Variants in DENND1A observed in about 807,000 individuals in gnomAD.
DENND1A encodes the protein DENN domain containing 1A.
A neutral mutation model predicts 113.7 loss-of-function variants in DENND1A; 51 were observed. The ratio of observed to expected loss-of-function variants is 0.45; its 90% CI spans 0.36 to 0.57. DENND1A has a LOEUF of 0.57. Among genes scored for constraint, DENND1A ranks in the 20% least tolerant of loss-of-function variants. DENND1A has a pLI of 0.00. For missense variants in DENND1A, 1,258 were observed against 1,395.9 expected, an observed-to-expected ratio of 0.90 and a Z score of 1.57; for synonymous variants, 565 against 570.8, an observed-to-expected ratio of 0.99 and a Z score of 0.14.
chr9:123,724,180 G>A (rs1050626972), intron 5 of DENND1A, among the ~76,000 whole-genome samples: 19 of 152,092 alleles, frequency 1.2e-4, no homozygotes, highest in African/African-American at 4.6e-4. Context: ...TAATTAACCT[G>A]CATTTCTCAT....
chr9:123,501,307 T>C (rs1404613006), intron 13 of DENND1A, among the ~76,000 whole-genome samples: 1 of 152,378 alleles, frequency 6.6e-6, no homozygotes, highest in Non-Finnish European at 1.5e-5. Context: ...TATTCCATTA[T>C]TTGTATATAC....
chr9:123,421,976 GC>G (rs1486391849), intron 19 of DENND1A, among the ~76,000 whole-genome samples: 1 of 151,996 alleles, frequency 6.6e-6, no homozygotes, highest in African/African-American at 2.4e-5. Context: ...GGTCCTATAA[GC>G]CCTTCCCTCA....
chr9:123,639,508 C>A (rs2061911720), intron 9 of DENND1A, among the ~76,000 whole-genome samples: 1 of 145,150 alleles, frequency 6.9e-6, no homozygotes, highest in Admixed American at 6.9e-5. Flanking sequence ...AAAACAGCCA[C>A]ACTCACGCCT....
At chr9:123,779,478 G>T (rs2799464) in intron 3 of DENND1A, among the ~76,000 whole-genome samples, 18,203 of 152,090 alleles carry the variant, frequency 0.12, 1,423 homozygotes, top group African/African-American at 0.22. Flanking sequence ...CCAGCTCCGG[G>T]TTCCTATTCT....
At chr9:123,473,143 T>C (rs2049589552) in intron 13 of DENND1A, among the ~76,000 whole-genome samples, 1 of 152,074 alleles carries the variant, frequency 6.6e-6, no homozygotes, top group South Asian at 2.1e-4. Flanking sequence ...GCCCCATGCC[T>C]GGGTCAGAGC....
rs1438761297 is a variant in DENND1A, at chr9:123,383,611, C to T, written c.2019+44G>A. On this transcript the variant is annotated intron_variant, in intron 23 of 23. Coordinates refer to ENST00000394215, the MANE Select transcript of DENND1A (RefSeq NM_001352964.2). The stretch of plus-strand genomic sequence containing the variant: ...ATGGGGATCCCACCTCGTGTGCGGA[C>T]AGTGCCGGCCCCCGGCCGATACCCT... The T allele has an allele frequency of 3.8e-6, 6 of 1,584,350 alleles. No individual in the cohort carries two copies. The East Asian group carries it at 1.1e-4, about 30-fold the overall frequency.
chr9:123,392,199 G>A (rs999285323), intron 21 of DENND1A, among the ~76,000 whole-genome samples: 11 of 152,118 alleles, frequency 7.2e-5, no homozygotes, highest in Non-Finnish European at 1.5e-4. Flanking sequence ...GGATCGCACC[G>A]GCTTATTTTT....
intron 2 of DENND1A, among the ~76,000 whole-genome samples, chr9:123,795,698 G>A (rs530185492): frequency 1.4e-4 from 22 of 152,158 alleles, no homozygotes; most frequent in African/African-American, 2.6e-4. Flanking sequence ...ACTGTGCATC[G>A]GTCTAATATT....
intron 19 of DENND1A, among the ~76,000 whole-genome samples, chr9:123,414,739 G>A (rs566413647): frequency 6.6e-6 from 1 of 152,272 alleles, no homozygotes; most frequent in Non-Finnish European, 1.5e-5. Flanking sequence ...AATATCCCCT[G>A]GAAAATGCTG....
chr9:123,531,540 C>T (rs904359994), intron 13 of DENND1A, among the ~76,000 whole-genome samples: 3 of 116,484 alleles, frequency 2.6e-5, no homozygotes, highest in Admixed American at 9.6e-5. Flanking sequence ...TCCTTCTCTT[C>T]CCCCCTCTCT....
chr9:123,611,876 A>G lies in DENND1A; in HGVS notation c.720-2395T>C, dbSNP rs370056679. On this transcript the variant is annotated intron_variant, in intron 10 of 23. Coordinates refer to ENST00000394215, the MANE Select transcript of DENND1A (RefSeq NM_001352964.2). ...TACCCTGAAAGGAAAAAGGGACCTC[A>G]TGGAAGAGACTGAAGAGGCAAGAAA... Among the ~76,000 whole-genome samples, 214 of 152,322 alleles carry G rather than the reference A, an allele frequency of 1.4e-3. 1 individual carries two copies. The highest frequency in any genetic ancestry group is 4.9e-3 in the African/African-American group (204 of 41,572).
At chr9:123,435,524 G>A (rs1219250736) in intron 19 of DENND1A, among the ~76,000 whole-genome samples, 2 of 152,226 alleles carry the variant, frequency 1.3e-5, no homozygotes, top group Admixed American at 6.5e-5. Flanking sequence ...GTTCAGATGG[G>A]AGAAGAACAG....
intron 14 of DENND1A, 31 bp downstream of exon 14, chr9:123,457,762 C>T: frequency 6.3e-7 from 1 of 1,576,108 alleles, no homozygotes; most frequent in Non-Finnish European, 8.6e-7. Context: ...GCCAGGGAGC[C>T]AGACCCAGGC....
Position 123,891,952 on chromosome 9 carries a change from AG to A in DENND1A, c.18-12932del, listed in dbSNP as rs34983445. ...AGAGTTTCCAGATTATGGTGCAAGG[AG>A]GGGGGACCTAAGCAAAGCCCAGCAA... is the stretch of plus-strand genomic sequence containing the variant. On this transcript the variant is annotated intron_variant, in intron 1 of 23. Coordinates refer to ENST00000394215, the MANE Select transcript of DENND1A (RefSeq NM_001352964.2). 6.7e-3 allele frequency among the ~76,000 whole-genome samples: 1,026 copies of A among 152,254 alleles called. 3 individuals are homozygous for A. The highest frequency in any genetic ancestry group is 0.011 in the Non-Finnish European group (725 of 68,004).
intron 4 of DENND1A, chr9:123,759,668 G>C (rs548822716): frequency 2.6e-5 from 4 of 152,208 alleles, no homozygotes; most frequent in Middle Eastern, 3.4e-3. Flanking sequence ...TAAGTGATCC[G>C]CTTGCCTCAG....
At position 123,638,113 on chromosome 9, in the gene DENND1A, G is replaced by C. The variant is rs368258398; in HGVS notation, c.619-7637C>G. On this transcript the variant is annotated intron_variant, in intron 9 of 23. Transcript: ENST00000394215. ...CATTTTTTTTTAAAGCTATCTACTA[G>C]AGTAATTAGAGTAAGTTATTAACCG... Among the ~76,000 whole-genome samples the C allele has an allele frequency of 3.9e-5, 6 of 152,130 alleles. 1 individual carries two copies. The highest frequency in any genetic ancestry group is 6.5e-5 in the Admixed American group (1 of 15,284).
chr9:123,873,737 A>T (rs577998407), intron 2 of DENND1A, among the ~76,000 whole-genome samples: 4 of 152,148 alleles, frequency 2.6e-5, no homozygotes, highest in African/African-American at 9.6e-5. Context: ...AGGCAAAATT[A>T]TCTATCTCTC....
At chr9:123,489,161 G>T (rs187127831) in intron 13 of DENND1A, among the ~76,000 whole-genome samples, 1 of 152,256 alleles carries the variant, frequency 6.6e-6, no homozygotes, top group East Asian at 1.9e-4. Flanking sequence ...TAGCTCGAAT[G>T]GAGGGGACTA....
chr9:123,878,016 C>G (rs1009908026), intron 2 of DENND1A, among the ~76,000 whole-genome samples: 3 of 151,602 alleles, frequency 2.0e-5, no homozygotes, highest in Admixed American at 6.6e-5. Flanking sequence ...CGTGCCTGAC[C>G]AACACGGAGA....
Sources: gnomAD v4.1 joint callset for allele counts (sites outside exome capture counted in the v4.1 genomes callset) on GRCh38, gnomAD v4.1.1 for gene constraint, MANE v1.5 for transcripts, NCBI Gene and HGNC (gene_info 2026-07-23, HGNC 2026-07-21) for gene names.